Variants in MICAL3 observed in about 807,000 individuals in gnomAD.
The protein encoded by MICAL3 is [F-actin]-monooxygenase MICAL3.
MICAL3 carries 62 observed loss-of-function variants against 207.4 expected under a neutral mutation model. That is an observed-to-expected ratio of 0.30 (90% confidence interval 0.24 to 0.37). The LOEUF (loss-of-function observed/expected upper bound fraction) is 0.37. MICAL3 is among the 10% of genes least tolerant of loss of function. The pLI is 1.00. For synonymous variants in MICAL3, 1,077 were observed against 1,069.3 expected (o/e 1.01, Z -0.14); for missense variants, 2,368 against 2,635.6 (o/e 0.90, Z 2.22).
intron 1 of MICAL3, among the ~76,000 whole-genome samples, chr22:17,962,730 A>G (rs574628577): frequency 5.3e-5 from 8 of 152,286 alleles, no homozygotes; most frequent in Admixed American, 4.6e-4. Context: ...AAATGAAGCA[A>G]ATGAGCTACA....
intron 29 of MICAL3, among the ~76,000 whole-genome samples, chr22:17,799,904 CACACAA>C (rs2061918880): frequency 7.0e-6 from 1 of 143,726 alleles, no homozygotes; most frequent in African/African-American, 2.9e-5. Context: ...CAATCTAAAA[CACACAA>C]ACACACACAC....
chr22:17,793,957 G>A lies in MICAL3; in HGVS notation c.5651-2656C>T, dbSNP rs2061850525. ...AAAAGTGAGAAAGGAACAACAGGAG[G>A]AAAAGAAAATAATACAAGAAATGGA... On this transcript the variant is annotated intron_variant, in intron 29 of 31. Transcript: ENST00000441493. This position sits in a 1 kb window ranked among gnomAD's most constrained non-coding sequence, Gnocchi z 4.1. Among the ~76,000 whole-genome samples, 1 of 152,042 alleles carries A rather than the reference G, an allele frequency of 6.6e-6. No homozygotes were observed. The highest frequency in any genetic ancestry group is 1.5e-5 in the Non-Finnish European group (1 of 68,010).
Position 17,972,575 on chromosome 22 carries a change from AGG to A in MICAL3, c.-75+51704_-75+51705del, listed in dbSNP as rs1935466641. On this transcript the variant is annotated intron_variant, in intron 1 of 31. Coordinates refer to ENST00000441493, the MANE Select transcript of MICAL3 (RefSeq NM_015241.3). ...TCCCGGGCAGCTCACCCCCATCTTC[AGG>A]GCCTTGGAGGCAGAAGGAAGATTCC... Among the ~76,000 whole-genome samples, 3 of 152,258 alleles carry A rather than the reference AGG, an allele frequency of 2.0e-5. No individual in the cohort carries two copies. In the East Asian group the frequency reaches 5.8e-4, roughly 29 times the overall value.
At chr22:17,985,042 C>T (rs1282236506) in intron 1 of MICAL3, among the ~76,000 whole-genome samples, 1 of 152,218 alleles carries the variant, frequency 6.6e-6, no homozygotes, top group African/African-American at 2.4e-5. Flanking sequence ...GAAGGAGACA[C>T]ACTGACATTT....
intron 1 of MICAL3, among the ~76,000 whole-genome samples, chr22:17,953,634 G>A (rs1332527375): frequency 6.6e-6 from 1 of 152,068 alleles, no homozygotes. Context: ...TCTAGTGTTT[G>A]AGAAAAGGAA....
In MICAL3 at chr22:17,818,078, T is replaced by C. The variant is rs202169174; in HGVS notation, c.4583A>G (p.Asp1528Gly). The C allele has an allele frequency of 1.5e-4, 237 of 1,612,954 alleles. 2 individuals carry two copies. Among genetic ancestry groups the C allele is most frequent in the East Asian group, 7.6e-4 (34 of 44,852 alleles). The change falls in exon 26 of 32, where the codon GAC (aspartate) becomes GGC (glycine). Residue 1528 changes from aspartate to glycine, a missense_variant. Coordinates refer to ENST00000441493, the MANE Select transcript of MICAL3 (RefSeq NM_015241.3). ...EEIPFADDVEDTYDDKTEDSS... is the reference protein window; with the variant it reads ...EEIPFADDVEGTYDDKTEDSS... ...GTCCTCAGTCTTGTCGTCATAGGTG[T>C]CCTCCACATCATCAGCAAAGGGAAT...
intron 1 of MICAL3, among the ~76,000 whole-genome samples, chr22:18,009,149 C>T (rs900662270): frequency 1.0e-4 from 14 of 133,440 alleles, no homozygotes; most frequent in Middle Eastern, 3.5e-3. Flanking sequence ...ATAAAGTCTA[C>T]AATTGCACAT....
chr22:17,984,866 C>T (rs1274006779), intron 1 of MICAL3, among the ~76,000 whole-genome samples: 1 of 152,188 alleles, frequency 6.6e-6, no homozygotes, highest in African/African-American at 2.4e-5. Context: ...CAAAGCCACA[C>T]GAGTAGCAAG....
At chr22:17,872,899 G>A (rs1275981654) in intron 16 of MICAL3, 12 of 1,253,436 alleles carry the variant, frequency 9.6e-6, no homozygotes, top group South Asian at 4.9e-5. Context: ...AGGGAAATGA[G>A]AAGGAAAAAA....
rs1422282085 is a variant in MICAL3, at chr22:17,817,946, T to C, written c.4715A>G (p.Glu1572Gly). 1 of 1,612,328 alleles carries C rather than the reference T, an allele frequency of 6.2e-7. No individual in the cohort carries two copies. ...CCTCTTCTGTGGCTGCAGCGTCCCCTCCAGAGCAGGCAGCCTCCCGTTCTC... is the reference window on the plus strand; with the variant it reads ...CCTCTTCTGTGGCTGCAGCGTCCCCCCCAGAGCAGGCAGCCTCCCGTTCTC... ...AKENGRLPALEGTLQPQKRGL... is the reference protein window; with the variant it reads ...AKENGRLPALGGTLQPQKRGL... Residue 1572 changes from glutamate (E) to glycine (G), a missense_variant, in exon 26 of 32, where the codon GAG (glutamate) becomes GGG (glycine). Transcript: ENST00000441493.
intron 1 of MICAL3, among the ~76,000 whole-genome samples, chr22:17,986,316 T>A (rs1008902716): frequency 6.6e-6 from 1 of 151,804 alleles, no homozygotes; most frequent in African/African-American, 2.4e-5. Context: ...AGGTCAGGAG[T>A]TCGAGACCAG....
At chr22:17,904,943 G>A (rs1188033648) in intron 2 of MICAL3, 104 bp from the exon 3 acceptor site, 10 of 844,766 alleles carry the variant, frequency 1.2e-5, no homozygotes, top group Non-Finnish European at 1.9e-5. Context: ...CCGAAATAGG[G>A]CTATTCTCCC....
rs574071086 is a variant in MICAL3, at chr22:17,950,970, C to T, written c.-74-44084G>A. Among the ~76,000 whole-genome samples the T allele has an allele frequency of 2.6e-5, 4 of 152,240 alleles. No homozygotes were observed. In the South Asian group the frequency reaches 6.2e-4, roughly 24 times the overall value. On this transcript the variant is annotated intron_variant, in intron 1 of 31. Transcript: ENST00000441493. ...ACAGGAAAGGAAATCCCACTGTCAG[C>T]CCCACCCTGATCCCACTGTCAGCCC... is the stretch of plus-strand genomic sequence containing the variant.
In MICAL3 at chr22:17,887,443, T is replaced by C. The variant is rs1602150081; in HGVS notation, c.1892-8A>G. The C allele has an allele frequency of 6.3e-7, 1 of 1,596,200 alleles. No homozygotes were observed. Among genetic ancestry groups the C allele is most frequent in the East Asian group, 2.2e-5 (1 of 44,804 alleles). ...CATTTAGGTCCAAGGTGTCTGGGAA[T>C]AGAAACCAGTGATGTTCAAGCACAG... On this transcript the variant is annotated splice_polypyrimidine_tract_variant and splice_region_variant and intron_variant, in intron 13 of 31. Transcript: ENST00000441493.
chr22:17,980,422 G>A (rs1462832450), intron 1 of MICAL3, among the ~76,000 whole-genome samples: 1 of 152,068 alleles, frequency 6.6e-6, no homozygotes, highest in Non-Finnish European at 1.5e-5. Flanking sequence ...GTTCAAATCC[G>A]CCTGCTATCA....
intron 1 of MICAL3, among the ~76,000 whole-genome samples, chr22:18,022,366 G>T (rs190709676): frequency 6.6e-6 from 1 of 152,146 alleles, no homozygotes; most frequent in Non-Finnish European, 1.5e-5. Flanking sequence ...TAATTTCTAG[G>T]TGATCTTATT....
intron 1 of MICAL3, among the ~76,000 whole-genome samples, chr22:18,002,302 A>G (rs1923086913): frequency 6.6e-6 from 1 of 151,760 alleles, no homozygotes; most frequent in Non-Finnish European, 1.5e-5. Context: ...GGTTAGGGGG[A>G]ATTTCAAATT....
At chr22:17,906,928 T>C (rs2146268574) in intron 1 of MICAL3, 42 bp from the exon 2 acceptor site, 1 of 1,035,186 alleles carries the variant, frequency 9.7e-7, no homozygotes, top group South Asian at 1.6e-5. Context: ...TTTCTCTGTC[T>C]ACAAACATTC....
At chr22:17,981,431 A>G (rs908325668) in intron 1 of MICAL3, among the ~76,000 whole-genome samples, 1 of 152,250 alleles carries the variant, frequency 6.6e-6, no homozygotes, top group Admixed American at 6.5e-5. Context: ...TTCAAATACC[A>G]GAAGAATATT....
Sources: allele counts gnomAD v4.1 joint callset (sites outside exome capture counted in the v4.1 genomes callset), GRCh38; gene constraint gnomAD v4.1.1; non-coding constraint Gnocchi (gnomAD v3.1); transcripts MANE v1.5; gene names NCBI Gene and HGNC (gene_info 2026-07-23, HGNC 2026-07-21).